AKAP6: variants seen among roughly 807,000 people sequenced by gnomAD.
AKAP6 encodes A-kinase anchor protein 6.
Under a neutral mutation model 188.5 loss-of-function variants are expected in AKAP6, and 58 were observed. The ratio of observed to expected loss-of-function variants is 0.31; its 90% confidence interval spans 0.25 to 0.38. The LOEUF (loss-of-function observed/expected upper bound fraction) is 0.38, where lower values mean the gene tolerates loss of function less well. Among genes scored for constraint, AKAP6 ranks in the 10% least tolerant of loss-of-function variants. AKAP6 has a pLI of 1.00. For missense variants in AKAP6, 2,710 were observed against 2,740.0 expected, an observed-to-expected ratio of 0.99 and a Z score of 0.24; for synonymous variants, 989 against 998.6, an observed-to-expected ratio of 0.99 and a Z score of 0.18.
chr14:32,764,439 C>A (rs951187861), intron 11 of AKAP6, among the ~76,000 whole-genome samples: 3 of 152,196 alleles, frequency 2.0e-5, no homozygotes, highest in Non-Finnish European at 4.4e-5. Flanking sequence ...GCTGTCTTAA[C>A]AATAACTTTA....
At chr14:32,558,864 A>G (rs529338211) in intron 4 of AKAP6, among the ~76,000 whole-genome samples, 44 of 152,270 alleles carry the variant, frequency 2.9e-4, no homozygotes, top group African/African-American at 1.0e-3. Flanking sequence ...GAAGTTACAC[A>G]TGCCACTTTT....
rs183523806 is a variant in AKAP6 at position 32,476,225 on chromosome 14, C to G, written c.324+42408C>G. On this transcript the variant is annotated intron_variant, in intron 2 of 13. Coordinates refer to ENST00000280979, the MANE Select transcript of AKAP6 (RefSeq NM_004274.5). Reference sequence around the variant, plus strand: ...ACTATTCTTGGCATAGCAGTAAACACAAGTGACAAAAATTCTGACCTCATG... The same window carrying G: ...ACTATTCTTGGCATAGCAGTAAACAGAAGTGACAAAAATTCTGACCTCATG... Among the ~76,000 whole-genome samples, 163 of 152,206 alleles carry G rather than the reference C, an allele frequency of 1.1e-3. 4 individuals carry two copies. The East Asian group carries it at 0.025, about 24-fold the overall frequency.
intron 2 of AKAP6, among the ~76,000 whole-genome samples, chr14:32,442,061 G>A (rs1356386228): frequency 6.6e-6 from 1 of 152,182 alleles, no homozygotes; most frequent in East Asian, 1.9e-4. Context: ...GGTAGGATAT[G>A]AGTTAACTCT....
At chr14:32,348,054 G>A (rs1887125474) in intron 1 of AKAP6, among the ~76,000 whole-genome samples, 1 of 152,230 alleles carries the variant, frequency 6.6e-6, no homozygotes, top group African/African-American at 2.4e-5. Context: ...AAGGGCAGGG[G>A]CTGCTGTGGA....
At chr14:32,566,777 C>CT (rs201906509) in intron 4 of AKAP6, among the ~76,000 whole-genome samples, 11 of 151,182 alleles carry the variant, frequency 7.3e-5, no homozygotes, top group East Asian at 3.9e-4. Flanking sequence ...TAGTTCTGTA[C>CT]TTTTTTTTTG....
chr14:32,467,754 TC>T (rs1428022964), intron 2 of AKAP6, among the ~76,000 whole-genome samples: 13 of 152,104 alleles, frequency 8.5e-5, no homozygotes, highest in Non-Finnish European at 1.6e-4. Flanking sequence ...AAGAAGTTGG[TC>T]TGTAATTCCT....
At chr14:32,631,192 T>C (rs988748596) in intron 7 of AKAP6, among the ~76,000 whole-genome samples, 1 of 152,066 alleles carries the variant, frequency 6.6e-6, no homozygotes, top group African/African-American at 2.4e-5. Context: ...AAATACCTCA[T>C]CTGTTGTTTA....
At chr14:32,629,114 A>G (rs1304099068) in intron 7 of AKAP6, among the ~76,000 whole-genome samples, 1 of 152,090 alleles carries the variant, frequency 6.6e-6, no homozygotes, top group Non-Finnish European at 1.5e-5. Context: ...CCAACAAGGA[A>G]GGAGCTGGGG....
chr14:32,496,064 T>C (rs1880299201), intron 2 of AKAP6, among the ~76,000 whole-genome samples: 1 of 152,236 alleles, frequency 6.6e-6, no homozygotes, highest in African/African-American at 2.4e-5. Context: ...ATGTGAATGC[T>C]GTAAATGATG....
intron 11 of AKAP6, among the ~76,000 whole-genome samples, chr14:32,762,485 C>T (rs191032091): frequency 1.4e-4 from 22 of 152,116 alleles, no homozygotes; most frequent in African/African-American, 4.6e-4. Flanking sequence ...AAGTATGTAA[C>T]TTAGTTTAGG....
chr14:32,421,883 G>T (rs1026826662), intron 1 of AKAP6, among the ~76,000 whole-genome samples: 1 of 152,184 alleles, frequency 6.6e-6, no homozygotes, highest in African/African-American at 2.4e-5. Flanking sequence ...CAGTGTATGA[G>T]GAGCCAAATC....
intron 12 of AKAP6, among the ~76,000 whole-genome samples, chr14:32,789,987 G>C (rs2140050837): frequency 6.6e-6 from 1 of 152,274 alleles, no homozygotes; most frequent in South Asian, 2.1e-4. Context: ...AAACAGTACA[G>C]GAGCTGAAAG....
chr14:32,481,418 C>G (rs1414448869), intron 2 of AKAP6, among the ~76,000 whole-genome samples: 4 of 152,054 alleles, frequency 2.6e-5, no homozygotes, highest in Non-Finnish European at 5.9e-5. Context: ...ATACCCGGGA[C>G]TGGGTAATTT....
chr14:32,711,567 T>G (rs1257452659), intron 9 of AKAP6, among the ~76,000 whole-genome samples: 1 of 152,094 alleles, frequency 6.6e-6, no homozygotes, highest in Non-Finnish European at 1.5e-5. Flanking sequence ...TCGCCATGAT[T>G]CAGTCCCACT....
chr14:32,615,729 G>A (rs1175299199), intron 7 of AKAP6, among the ~76,000 whole-genome samples: 1 of 151,206 alleles, frequency 6.6e-6, no homozygotes, highest in Non-Finnish European at 1.5e-5. Flanking sequence ...CCAAATAGCT[G>A]GGACTACAGG....
chr14:32,534,664 C>T (rs187959381), intron 2 of AKAP6, among the ~76,000 whole-genome samples: 2 of 152,036 alleles, frequency 1.3e-5, no homozygotes, highest in Admixed American at 6.6e-5. Context: ...TTGAAAATTT[C>T]GATATCCACT....
intron 7 of AKAP6, among the ~76,000 whole-genome samples, chr14:32,652,659 C>T (rs1046744857): frequency 6.6e-6 from 1 of 152,210 alleles, no homozygotes; most frequent in Admixed American, 6.6e-5. Context: ...CTTTACTCTC[C>T]ATTCAAGCTA....
chr14:32,747,123 A>G (rs1168624932), intron 11 of AKAP6, among the ~76,000 whole-genome samples: 1 of 152,182 alleles, frequency 6.6e-6, no homozygotes, highest in Admixed American at 6.5e-5. Flanking sequence ...CAATTTCATC[A>G]AGTCTTTTAG....
At position 32,698,532 on chromosome 14, in the gene AKAP6, G is replaced by A. The variant is rs116493198; in HGVS notation, c.3000+2422G>A. Among the ~76,000 whole-genome samples, 806 of 152,076 alleles carry A rather than the reference G, an allele frequency of 5.3e-3. 11 individuals carry two copies. The highest frequency in any genetic ancestry group is 0.019 in the African/African-American group (778 of 41,482). On this transcript the variant is annotated intron_variant, in intron 9 of 13. Transcript: ENST00000280979. The stretch of plus-strand genomic sequence containing the variant: ...TAAGGGCACCATTGACATTTAGGGC[G>A]AAACAATTTTTTTTTAGTTTGTGGG...
Sources: gnomAD v4.1 joint callset for allele counts (sites outside exome capture counted in the v4.1 genomes callset) on GRCh38, gnomAD v4.1.1 for gene constraint, MANE v1.5 for transcripts, NCBI Gene and HGNC (gene_info 2026-07-23, HGNC 2026-07-21) for gene names.